The following FOXN2 variants were observed in gnomAD, a reference collection of about 807,000 sequenced individuals.
The protein encoded by FOXN2 is forkhead box protein N2.
FOXN2 carries 19 observed loss-of-function variants against 41.2 expected under a neutral mutation model. The observed-to-expected ratio is 0.46, with a 90% CI of 0.32 to 0.68. FOXN2 has a LOEUF of 0.68. Among genes scored for constraint, FOXN2 ranks in the 30% least tolerant of loss-of-function variants. FOXN2 has a pLI of 0.03. For synonymous variants in FOXN2, 195 were observed against 176.8 expected (o/e 1.10, Z -0.82); for missense variants, 587 against 509.4 (o/e 1.15, Z -1.47).
At chr2:48,322,407 A>G (rs1462651643) in intron 1 of FOXN2, among the ~76,000 whole-genome samples, 2 of 152,102 alleles carry the variant, frequency 1.3e-5, no homozygotes, top group Admixed American at 6.5e-5. Context: ...AAAAGTAACC[A>G]CTGTCCTGGG....
At chr2:48,342,710 C>T (rs1267822505) in intron 2 of FOXN2, among the ~76,000 whole-genome samples, 1 of 152,156 alleles carries the variant, frequency 6.6e-6, no homozygotes, top group Non-Finnish European at 1.5e-5. Context: ...GCACCCTGAA[C>T]ATGCCTGATC....
At chr2:48,335,984 C>T (rs1348184079) in intron 2 of FOXN2, among the ~76,000 whole-genome samples, 1 of 150,666 alleles carries the variant, frequency 6.6e-6, no homozygotes, top group Non-Finnish European at 1.5e-5. Flanking sequence ...GTGAACATCG[C>T]ACCACCGCAC....
At chr2:48,329,617 G>A (rs1282334322) in intron 2 of FOXN2, among the ~76,000 whole-genome samples, 1 of 152,084 alleles carries the variant, frequency 6.6e-6, no homozygotes, top group African/African-American at 2.4e-5. Flanking sequence ...TTATCCCTAA[G>A]AGACCATAAT....
At chr2:48,316,043 AAT>A (rs2104012095) in intron 1 of FOXN2, among the ~76,000 whole-genome samples, 1 of 152,122 alleles carries the variant, frequency 6.6e-6, no homozygotes, top group East Asian at 1.9e-4. Flanking sequence ...GGCTGAGTGT[AAT>A]AGAGTGCGCT....
intron 4 of FOXN2, 40 bp from the exon 5 acceptor site, chr2:48,362,603 C>T (rs1457053571): frequency 1.3e-6 from 2 of 1,570,744 alleles, no homozygotes; most frequent in African/African-American, 2.7e-5. Context: ...GTGAAGTAAA[C>T]ATTTTTATAA....
chr2:48,375,586 A>C lies in FOXN2; in HGVS notation c.*143A>C. The C allele has an allele frequency of 1.2e-6, 1 of 805,224 alleles. No homozygotes were observed. Among genetic ancestry groups the C allele is most frequent in the South Asian group, 2.0e-5 (1 of 50,888 alleles). The allele number at this position is 805,224 out of a possible 1,614,324, so 49.9% of individuals were successfully genotyped here. A position where few individuals can be genotyped will look rare whatever the true frequency, so the allele number is the denominator to read the frequency against. On this transcript the variant is annotated 3_prime_UTR_variant, in exon 7 of 7. Coordinates refer to ENST00000340553, the MANE Select transcript of FOXN2 (RefSeq NM_002158.4). ...AAACATTTTTGGTTTTTGGTTTTTA[A>C]AATTTTTATTAAACAATTGCTGTTA...
At chr2:48,351,051 C>T (rs555584376) in intron 3 of FOXN2, among the ~76,000 whole-genome samples, 5 of 149,772 alleles carry the variant, frequency 3.3e-5, no homozygotes, top group South Asian at 2.1e-4. Flanking sequence ...CTGCAACCTC[C>T]GAGGGTTCAA....
chr2:48,368,427 C>T (rs981056038), intron 5 of FOXN2, among the ~76,000 whole-genome samples: 4 of 152,156 alleles, frequency 2.6e-5, no homozygotes, highest in Non-Finnish European at 4.4e-5. Context: ...GTAATCCCAG[C>T]ACTTTGGGAG....
At chr2:48,347,081 G>A (rs1174534243) in intron 3 of FOXN2, among the ~76,000 whole-genome samples, 1 of 151,998 alleles carries the variant, frequency 6.6e-6, no homozygotes, top group Non-Finnish European at 1.5e-5. Flanking sequence ...TATAATCAAA[G>A]TATAGACCAT....
chr2:48,330,335 A>T (rs907593059), intron 2 of FOXN2, among the ~76,000 whole-genome samples: 2 of 152,168 alleles, frequency 1.3e-5, no homozygotes, highest in African/African-American at 4.8e-5. Context: ...TATGTATTAA[A>T]TCTTAGTGGC....
intron 2 of FOXN2, among the ~76,000 whole-genome samples, chr2:48,342,226 C>T (rs1356016073): frequency 6.6e-6 from 1 of 152,046 alleles, no homozygotes; most frequent in East Asian, 1.9e-4. Context: ...AATTTATTCA[C>T]ATTCTTCAAG....
At chr2:48,332,010 T>A (rs892857108) in intron 2 of FOXN2, among the ~76,000 whole-genome samples, 1 of 152,144 alleles carries the variant, frequency 6.6e-6, no homozygotes, top group Admixed American at 6.5e-5. Context: ...ATCTCAAAAA[T>A]GGATGGAAAA....
Position 48,375,041 on chromosome 2 carries a change from A to G in FOXN2, c.894A>G (p.Pro298=), listed in dbSNP as rs1336599376. The change falls in exon 7 of 7, where the codon CCA becomes CCG. Residue 298 remains proline, a synonymous_variant. Transcript: ENST00000340553. The part of the protein sequence containing the change: ...ESDSLATSID[P]KEDHNYSASS... ...ATTCTTTAGCCACCAGCATTGATCC[A>G]AAAGAAGATCACAATTACAGTGCAA... is the stretch of plus-strand genomic sequence containing the variant. The G allele has an allele frequency of 1.2e-6, 2 of 1,614,108 alleles. No individual in the cohort carries two copies.
rs200701986 is a variant in FOXN2 at position 48,337,055 on chromosome 2, CTT to C, written c.-15+8366_-15+8367del. On this transcript the variant is annotated intron_variant, in intron 2 of 6. Coordinates refer to ENST00000340553, the MANE Select transcript of FOXN2 (RefSeq NM_002158.4). Reference sequence around the variant, plus strand: ...GCTATCAAATAGTAGGTCTTATTCACTTTTTTTTTTTTTTGTACTCATTAACC... The same window carrying C: ...GCTATCAAATAGTAGGTCTTATTCACTTTTTTTTTTTTGTACTCATTAACC... Among the ~76,000 whole-genome samples, 402 of 143,600 alleles carry C rather than the reference CTT, an allele frequency of 2.8e-3. 1 individual carries two copies. The highest frequency in any genetic ancestry group is 0.018 in the East Asian group (88 of 4,966). The allele number at this position is 143,600 out of a possible 152,430, so 94.2% of individuals were successfully genotyped here.
chr2:48,313,691 T>C (rs561925884), upstream of FOXN2, among the ~76,000 whole-genome samples: 69 of 152,352 alleles, frequency 4.5e-4, 1 homozygote, highest in African/African-American at 1.6e-3. Context: ...TTCTCATACC[T>C]TTGACGGGTC....
intron 5 of FOXN2, among the ~76,000 whole-genome samples, chr2:48,371,124 G>A (rs528672483): frequency 1.6e-4 from 25 of 152,250 alleles, no homozygotes; most frequent in South Asian, 1.0e-3. Flanking sequence ...GGGGTGGGGC[G>A]CGGTGGCTCA....
intron 2 of FOXN2, among the ~76,000 whole-genome samples, chr2:48,335,905 A>G (rs1013625632): frequency 2.6e-5 from 4 of 151,642 alleles, no homozygotes; most frequent in Admixed American, 1.3e-4. Flanking sequence ...GCAGGCGCCT[A>G]TAGTCCCAGC....
chr2:48,362,134 T>G (rs1035042849), intron 4 of FOXN2, among the ~76,000 whole-genome samples: 1 of 152,252 alleles, frequency 6.6e-6, no homozygotes, highest in African/African-American at 2.4e-5. Flanking sequence ...CAAATAGTTG[T>G]GATTTACCTC....
intron 2 of FOXN2, among the ~76,000 whole-genome samples, chr2:48,336,334 G>A (rs1201629332): frequency 6.6e-6 from 1 of 151,444 alleles, no homozygotes; most frequent in Non-Finnish European, 1.5e-5. Flanking sequence ...CTTGAACCTG[G>A]GAGGGGGAGG....
Sources: gnomAD v4.1 joint callset for allele counts (sites outside exome capture counted in the v4.1 genomes callset) on GRCh38, gnomAD v4.1.1 for gene constraint, MANE v1.5 for transcripts, NCBI Gene and HGNC (gene_info 2026-07-23, HGNC 2026-07-21) for gene names.